The following PTPRN2 variants were observed in gnomAD, a reference collection of about 807,000 sequenced individuals.
PTPRN2 encodes protein tyrosine phosphatase receptor type N2.
In PTPRN2, 74 loss-of-function variants were observed where a neutral mutation model predicts 118.8. The observed-to-expected ratio is 0.62, with a 90% CI of 0.52 to 0.76. The LOEUF is 0.76. Ranked by LOEUF, PTPRN2 falls within the 30% of genes least tolerant of loss-of-function variation. PTPRN2 has a pLI of 0.00. For synonymous variants in PTPRN2, 641 were observed against 608.0 expected (o/e 1.05, Z -0.80); for missense variants, 1,481 against 1,394.4 (o/e 1.06, Z -0.99).
chr7:158,192,438 G>T lies in PTPRN2; in HGVS notation c.438C>A (p.Ala146=). The T allele has an allele frequency of 6.4e-7, 1 of 1,561,604 alleles. No homozygotes were observed. The highest frequency in any genetic ancestry group is 8.6e-7 in the Non-Finnish European group (1 of 1,161,650). The stretch of plus-strand genomic sequence containing the variant: ...GGTGGCGTCGGAGGGCGTTGGCCAG[G>T]GCAGCACCGCCCTCCCGACTGTACC... ...ERRYSREGGA[A]LANALRRHLP... is the part of the protein sequence containing the mutation. Residue 146 remains alanine (A), a synonymous_variant, in exon 5 of 23, where the codon GCC becomes GCA. Transcript: ENST00000389418.
chr7:158,244,404 AC>A (rs1412424917), intron 3 of PTPRN2, among the ~76,000 whole-genome samples: 17 of 152,244 alleles, frequency 1.1e-4, no homozygotes, highest in Non-Finnish European at 2.4e-4. Context: ...AGGAACAGAT[AC>A]ACAGAGTGTC....
chr7:158,555,432 C>T lies in PTPRN2; in HGVS notation c.112+32126G>A, dbSNP rs767756926. 1.3e-5 allele frequency among the ~76,000 whole-genome samples: 2 copies of T among 152,202 alleles called. No individual in the cohort carries two copies. Among genetic ancestry groups the T allele is most frequent in the African/African-American group, 2.4e-5 (1 of 41,460 alleles). ...CCCCACCGCTCTGCCCTGCCTTCCTCGCTGAAACCTCCCAACACTGACGTC... is the reference window on the plus strand; with the variant it reads ...CCCCACCGCTCTGCCCTGCCTTCCTTGCTGAAACCTCCCAACACTGACGTC... On this transcript the variant is annotated intron_variant, in intron 1 of 22. Coordinates refer to ENST00000389418, the MANE Select transcript of PTPRN2 (RefSeq NM_002847.5). The surrounding 1 kb of genome is among the most constrained non-coding windows in gnomAD (Gnocchi z 4.7).
chr7:158,181,154 T>C (rs1824671047), intron 5 of PTPRN2, among the ~76,000 whole-genome samples: 1 of 152,214 alleles, frequency 6.6e-6, no homozygotes, highest in South Asian at 2.1e-4. Context: ...CATGAAGTGA[T>C]GCTGGGTTTT....
rs1412421359 is a variant in PTPRN2 at position 157,848,934 on chromosome 7, CA to C, written c.1788+49738del. On this transcript the variant is annotated intron_variant, in intron 12 of 22. Coordinates refer to ENST00000389418, the MANE Select transcript of PTPRN2 (RefSeq NM_002847.5). Reference sequence around the variant, plus strand: ...GGCCGCTGCCACCCTGGGAGGATCACAGGGGCTGCCTTCTGGACATATGTCA... The same window carrying C: ...GGCCGCTGCCACCCTGGGAGGATCACGGGGCTGCCTTCTGGACATATGTCA... Among the ~76,000 whole-genome samples, 13 of 152,376 alleles carry C rather than the reference CA, an allele frequency of 8.5e-5. No individual in the cohort carries two copies. The East Asian group carries it at 2.5e-3, about 29-fold the overall frequency.
intron 3 of PTPRN2, among the ~76,000 whole-genome samples, chr7:158,249,563 C>A (rs1585980908): frequency 1.4e-5 from 2 of 148,048 alleles, no homozygotes; most frequent in East Asian, 4.1e-4. Flanking sequence ...CACACCTGCA[C>A]ACACACACCC....
At chr7:157,979,166 C>G (rs1157199062) in intron 11 of PTPRN2, among the ~76,000 whole-genome samples, 1 of 151,580 alleles carries the variant, frequency 6.6e-6, no homozygotes. Flanking sequence ...ACTACAGGGC[C>G]CAGTCCACAG....
At chr7:158,152,621 G>C (rs73173631) in intron 6 of PTPRN2, among the ~76,000 whole-genome samples, 15,350 of 152,216 alleles carry the variant, frequency 0.1, 799 homozygotes, top group African/African-American at 0.12. Flanking sequence ...AGACCTAGGT[G>C]AGGACAGGCA....
At chr7:158,578,888 A>C (rs1285372728) in intron 1 of PTPRN2, among the ~76,000 whole-genome samples, 3 of 151,898 alleles carry the variant, frequency 2.0e-5, no homozygotes, top group Non-Finnish European at 4.4e-5. Context: ...TCAGCCCCCC[A>C]AGTAGCTGGG....
rs778244985 is a variant in PTPRN2 at position 157,784,281 on chromosome 7, C to T, written c.1789-101344G>A. Among the ~76,000 whole-genome samples the T allele has an allele frequency of 1.3e-5, 2 of 152,136 alleles. No homozygotes were observed. The highest frequency in any genetic ancestry group is 2.4e-5 in the African/African-American group (1 of 41,426). ...AGGTCTCAGGAGGCCAAGTGGGGGGCCTGCCCCCACCTCTGGGGTCTCAGC... is the reference window on the plus strand; with the variant it reads ...AGGTCTCAGGAGGCCAAGTGGGGGGTCTGCCCCCACCTCTGGGGTCTCAGC... On this transcript the variant is annotated intron_variant, in intron 12 of 22. Transcript: ENST00000389418. This position sits in a 1 kb window ranked among gnomAD's most constrained non-coding sequence, Gnocchi z 4.6.
Position 158,167,252 on chromosome 7 carries a change from C to T in PTPRN2, c.589G>A (p.Ala197Thr), listed in dbSNP as rs201385743. The change falls in exon 6 of 23, where the codon GCC becomes ACC. Residue 197 changes from alanine to threonine, a missense_variant. By Grantham distance (58) the Ala-to-Thr change is moderately conservative. Coordinates refer to ENST00000389418, the MANE Select transcript of PTPRN2 (RefSeq NM_002847.5). ...GGGTAGGTCAGCGCAGACGTGTGGG[C>T]CACATAGGTCAGGATGCTCTCGGAG... is the stretch of plus-strand genomic sequence containing the variant. The part of the protein sequence containing the change: ...RFSESILTYV[A>T]HTSALTYPPG... 5.5e-5 allele frequency: 88 copies of T among 1,611,400 alleles called. No homozygotes were observed. The highest frequency in any genetic ancestry group is 7.2e-5 in the Non-Finnish European group (85 of 1,179,036).
chr7:158,181,765 T>C (rs975894202), intron 5 of PTPRN2, among the ~76,000 whole-genome samples: 4 of 152,338 alleles, frequency 2.6e-5, no homozygotes, highest in Non-Finnish European at 5.9e-5. Flanking sequence ...AATAATCTTT[T>C]GTATTTCTGT....
At chr7:158,152,744 G>A (rs551572248) in intron 6 of PTPRN2, among the ~76,000 whole-genome samples, 10 of 152,300 alleles carry the variant, frequency 6.6e-5, no homozygotes, top group African/African-American at 2.2e-4. Context: ...ACACACAAGT[G>A]GCTGGATGTC....
intron 11 of PTPRN2, among the ~76,000 whole-genome samples, chr7:158,071,845 C>T (rs1196916611): frequency 1.5e-4 from 5 of 33,008 alleles, no homozygotes; most frequent in South Asian, 2.3e-3. Flanking sequence ...TGGAGGTGCT[C>T]GTGGTGGTGG....
chr7:158,375,670 T>G (rs1009837310), intron 2 of PTPRN2, among the ~76,000 whole-genome samples: 11 of 152,234 alleles, frequency 7.2e-5, no homozygotes, highest in Non-Finnish European at 1.6e-4. Flanking sequence ...TGGCCTCCCA[T>G]GCCTGCCTAT....
intron 1 of PTPRN2, among the ~76,000 whole-genome samples, chr7:158,568,461 A>G (rs1827791233): frequency 6.6e-6 from 1 of 152,074 alleles, no homozygotes; most frequent in African/African-American, 2.4e-5. Flanking sequence ...TGGAGAAGAA[A>G]AAAAAAAAAC....
chr7:158,126,949 G>C (rs1358678564), intron 9 of PTPRN2, among the ~76,000 whole-genome samples: 1 of 152,224 alleles, frequency 6.6e-6, no homozygotes, highest in African/African-American at 2.4e-5. Flanking sequence ...CCCCCACAGA[G>C]GTGAGCACGC....
Position 158,270,751 on chromosome 7 carries a change from T to TCTCCACCTGGACCGCCCC in PTPRN2, c.277+46067_277+46068insGGGGCGGTCCAGGTGGAG, listed in dbSNP as rs1798271110. On this transcript the variant is annotated intron_variant, in intron 3 of 22. Coordinates refer to ENST00000389418, the MANE Select transcript of PTPRN2 (RefSeq NM_002847.5). ...GGTGCCTTCTCTACCTGAGCCGTCTTCTCCACCTGGACCACCCCGTCCACC... is the reference window on the plus strand; with the variant it reads ...GGTGCCTTCTCTACCTGAGCCGTCTTCTCCACCTGGACCGCCCCCTCCACCTGGACCACCCCGTCCACC... Among the ~76,000 whole-genome samples the TCTCCACCTGGACCGCCCC allele has an allele frequency of 2.1e-5, 3 of 139,674 alleles. 1 individual carries two copies. Among genetic ancestry groups the TCTCCACCTGGACCGCCCC allele is most frequent in the African/African-American group, 8.6e-5 (3 of 35,000 alleles). The allele number at this position is 139,674 out of a possible 152,430, so 91.6% of individuals were successfully genotyped here.
chr7:157,615,564 A>G lies in PTPRN2; in HGVS notation c.2344+5798T>C. 2.1e-6 allele frequency: 1 copy of G among 471,230 alleles called. No homozygotes were observed. The highest frequency in any genetic ancestry group is 4.4e-6 in the Non-Finnish European group (1 of 227,070). 29.2% of individuals were successfully genotyped at this position (471,230 alleles called of 1,614,324 possible). On this transcript the variant is annotated intron_variant, in intron 15 of 22. Transcript: ENST00000389418. This position sits in a 1 kb window ranked among gnomAD's most constrained non-coding sequence, Gnocchi z 4.3. ...GCCGTGGAAACAATCTCAGCCCTGG[A>G]ACCAGCGCCTGGGAAGTCCCGCGGT...
At chr7:158,355,848 C>T (rs1006280817) in intron 2 of PTPRN2, among the ~76,000 whole-genome samples, 3 of 152,068 alleles carry the variant, frequency 2.0e-5, no homozygotes, top group South Asian at 2.1e-4. Flanking sequence ...CAGGCAGATG[C>T]GAATCCTCCA....
Sources: allele counts gnomAD v4.1 joint callset (sites outside exome capture counted in the v4.1 genomes callset), GRCh38; gene constraint gnomAD v4.1.1; non-coding constraint Gnocchi (gnomAD v3.1); transcripts MANE v1.5; gene names NCBI Gene and HGNC (gene_info 2026-07-23, HGNC 2026-07-21).